The following WWOX variants were observed in gnomAD, a reference collection of about 807,000 sequenced individuals.
The protein encoded by WWOX is WW domain-containing oxidoreductase.
A neutral mutation model predicts 46.2 loss-of-function variants in WWOX; 69 were observed. The observed-to-expected ratio is 1.49, with a 90% CI of 1.23 to 1.82. The LOEUF (loss-of-function observed/expected upper bound fraction) is 1.82, where lower values mean the gene tolerates loss of function less well. Among genes scored for constraint, WWOX ranks in the 40% most tolerant of loss-of-function variants. The pLI is 0.00. For missense variants in WWOX, 919 were observed against 542.6 expected (o/e 1.69, Z -6.89); for synonymous variants, 359 against 202.6 (o/e 1.77, Z -6.56).
chr16:78,387,357 C>G (rs886405292), intron 6 of WWOX, among the ~76,000 whole-genome samples: 2 of 152,028 alleles, frequency 1.3e-5, no homozygotes, highest in African/African-American at 4.8e-5. Flanking sequence ...ATCCAAGCAC[C>G]CAAAAGACCT....
intron 5 of WWOX, among the ~76,000 whole-genome samples, chr16:78,185,533 A>G (rs1273525920): frequency 6.6e-6 from 1 of 151,810 alleles, no homozygotes; most frequent in Admixed American, 6.6e-5. Context: ...GCTCATTGGT[A>G]GAGAGCTTTA....
intron 1 of WWOX, chr16:78,100,182 G>A (rs2031668060): frequency 2.4e-6 from 3 of 1,249,152 alleles, no homozygotes; most frequent in Non-Finnish European, 2.0e-6. Context: ...AAAAAATAAA[G>A]ATGTTTTAAA....
intron 8 of WWOX, among the ~76,000 whole-genome samples, chr16:78,905,074 C>T (rs1421548667): frequency 1.3e-5 from 2 of 152,170 alleles, no homozygotes; most frequent in African/African-American, 4.8e-5. Context: ...GTCTCTGAGA[C>T]TTGTATTCTT....
chr16:79,175,883 C>T (rs191589595), intron 8 of WWOX, among the ~76,000 whole-genome samples: 10 of 152,324 alleles, frequency 6.6e-5, no homozygotes, highest in Admixed American at 1.3e-4. Context: ...CTAACAGCCA[C>T]ATCCTTTCAC....
intron 8 of WWOX, among the ~76,000 whole-genome samples, chr16:78,861,853 G>C (rs112746092): frequency 1.3e-5 from 2 of 152,126 alleles, no homozygotes; most frequent in African/African-American, 4.8e-5. Context: ...ATGTTTCCAG[G>C]CCTCTAATGT....
chr16:78,849,573 CAA>C (rs778723646), intron 8 of WWOX, among the ~76,000 whole-genome samples: 105 of 97,322 alleles, frequency 1.1e-3, no homozygotes, highest in African/African-American at 3.9e-3. Flanking sequence ...GAATCCCTCT[CAA>C]AAAAAAAAAA....
chr16:78,781,383 A>G (rs1287382794), intron 8 of WWOX, among the ~76,000 whole-genome samples: 1 of 152,184 alleles, frequency 6.6e-6, no homozygotes, highest in Non-Finnish European at 1.5e-5. Flanking sequence ...CACCACTGGT[A>G]TTCCGTCAGT....
intron 8 of WWOX, among the ~76,000 whole-genome samples, chr16:79,121,933 C>G (rs2049641666): frequency 6.6e-6 from 1 of 152,026 alleles, no homozygotes; most frequent in Admixed American, 6.6e-5. Flanking sequence ...CCCAGTAACC[C>G]TAAGATTGAA....
Position 78,828,703 on chromosome 16 carries a change from A to G in WWOX, c.1057-382905A>G, listed in dbSNP as rs570236234. Among the ~76,000 whole-genome samples the G allele has an allele frequency of 1.6e-4, 24 of 152,252 alleles. No homozygotes were observed. In the South Asian group the frequency reaches 2.9e-3, roughly 18 times the overall value. On this transcript the variant is annotated intron_variant, in intron 8 of 8. Transcript: ENST00000566780. The stretch of plus-strand genomic sequence containing the variant: ...TGTGTGTGCCAATTATGTGCAGGGA[A>G]CTGTATTAATCGTAGTTAGCAATAT...
intron 8 of WWOX, among the ~76,000 whole-genome samples, chr16:78,906,143 A>C (rs551529835): frequency 6.6e-6 from 1 of 152,280 alleles, no homozygotes; most frequent in Non-Finnish European, 1.5e-5. Context: ...TGTAAACCCA[A>C]AATCCTCAGC....
intron 8 of WWOX, among the ~76,000 whole-genome samples, chr16:78,992,503 G>T (rs542515063): frequency 6.6e-6 from 1 of 152,126 alleles, no homozygotes; most frequent in Non-Finnish European, 1.5e-5. Flanking sequence ...TTTGGCTCCA[G>T]TGAGCTCATT....
intron 5 of WWOX, among the ~76,000 whole-genome samples, chr16:78,381,881 T>G (rs777274275): frequency 5.5e-4 from 84 of 152,258 alleles, no homozygotes; most frequent in Non-Finnish European, 1.0e-3. Context: ...TTTTCCTTTT[T>G]TACTCAGACA....
chr16:78,815,773 G>A (rs1402188414), intron 8 of WWOX, among the ~76,000 whole-genome samples: 7 of 152,198 alleles, frequency 4.6e-5, no homozygotes, highest in Admixed American at 3.9e-4. Flanking sequence ...ACAGTTGTAC[G>A]CAGACCTCTC....
chr16:78,919,361 C>G (rs945031906), intron 8 of WWOX, among the ~76,000 whole-genome samples: 1 of 151,950 alleles, frequency 6.6e-6, no homozygotes, highest in Non-Finnish European at 1.5e-5. Flanking sequence ...GAATTTGCAT[C>G]CAGGCAGTTG....
At chr16:78,432,359 G>A in intron 7 of WWOX, 129 bp from the exon 8 acceptor site, 1 of 1,270,154 alleles carries the variant, frequency 7.9e-7, no homozygotes, top group Admixed American at 1.8e-5. Flanking sequence ...ACTCGTCTAA[G>A]ACTCCCAAAG....
At chr16:79,089,707 C>G (rs907326890) in intron 8 of WWOX, among the ~76,000 whole-genome samples, 2 of 152,180 alleles carry the variant, frequency 1.3e-5, no homozygotes, top group Non-Finnish European at 2.9e-5. Context: ...TTCCAGTCGC[C>G]TAAGCGTTTA....
intron 8 of WWOX, among the ~76,000 whole-genome samples, chr16:78,521,121 T>G (rs1305248253): frequency 1.3e-5 from 2 of 152,214 alleles, no homozygotes; most frequent in Non-Finnish European, 2.9e-5. Context: ...CTTTAAAACA[T>G]TTGACAGCTG....
chr16:78,687,668 A>T (rs1375087728), intron 8 of WWOX, among the ~76,000 whole-genome samples: 7 of 152,194 alleles, frequency 4.6e-5, no homozygotes, highest in African/African-American at 1.7e-4. Context: ...CCTCTATTAC[A>T]CAGTACTAGG....
At chr16:78,122,417 G>T (rs2151684783) in intron 4 of WWOX, among the ~76,000 whole-genome samples, 1 of 151,858 alleles carries the variant, frequency 6.6e-6, no homozygotes, top group East Asian at 1.9e-4. Flanking sequence ...TGACAAAGTG[G>T]GTCAAACCCA....
Sources: gnomAD v4.1 joint callset for allele counts (sites outside exome capture counted in the v4.1 genomes callset) on GRCh38, gnomAD v4.1.1 for gene constraint, MANE v1.5 for transcripts, NCBI Gene and HGNC (gene_info 2026-07-23, HGNC 2026-07-21) for gene names.